Variants in MYLK4 observed in about 807,000 individuals in gnomAD.
The protein encoded by MYLK4 is myosin light chain kinase family member 4, also known as caMLCK like.
A neutral mutation model predicts 48.1 loss-of-function variants in MYLK4; 46 were observed. The ratio of observed to expected loss-of-function variants is 0.96; its 90% CI spans 0.75 to 1.22. The LOEUF is 1.22. Among genes scored for constraint, MYLK4 ranks in the 50% most tolerant of loss-of-function variants. MYLK4 has a pLI of 0.00. For missense variants in MYLK4, 451 were observed against 486.1 expected (o/e 0.93, Z 0.68); for synonymous variants, 170 against 180.8 (o/e 0.94, Z 0.48).
intron 2 of MYLK4, among the ~76,000 whole-genome samples, chr6:2,748,494 A>C (rs962571819): frequency 6.6e-6 from 1 of 152,240 alleles, no homozygotes; most frequent in East Asian, 1.9e-4. Context: ...AACACATATT[A>C]AATGCTGACT....
At chr6:2,752,886 C>T (rs1293877969), upstream of MYLK4, among the ~76,000 whole-genome samples, 1 of 152,192 alleles carries the variant, frequency 6.6e-6, no homozygotes, top group African/African-American at 2.4e-5. Context: ...TCACACTGTT[C>T]CCAGCTTCCG....
At chr6:2,744,330 G>T (rs894371495) in intron 2 of MYLK4, among the ~76,000 whole-genome samples, 5 of 152,246 alleles carry the variant, frequency 3.3e-5, no homozygotes, top group African/African-American at 1.2e-4. Flanking sequence ...ATGCGTATTT[G>T]TTCCCAGTTC....
At chr6:2,699,239 T>C (rs1485046914) in intron 2 of MYLK4, among the ~76,000 whole-genome samples, 2 of 151,200 alleles carry the variant, frequency 1.3e-5, no homozygotes, top group Non-Finnish European at 2.9e-5. Flanking sequence ...ATAATATACA[T>C]TGAGCTGTAT....
chr6:2,697,176 A>G (rs771653326), intron 2 of MYLK4, among the ~76,000 whole-genome samples: 1 of 152,236 alleles, frequency 6.6e-6, no homozygotes, highest in South Asian at 2.1e-4. Flanking sequence ...TGGCAGCACA[A>G]AATCAAAATA....
the MYLK4 span, among the ~76,000 whole-genome samples, chr6:2,759,156 C>G: frequency 1.3e-5 from 2 of 152,230 alleles, no homozygotes; most frequent in African/African-American, 4.8e-5. Flanking sequence ...TACTCTGTCA[C>G]CCAGGCTGGA....
chr6:2,761,802 G>GCA, the MYLK4 span, among the ~76,000 whole-genome samples: 10 of 151,770 alleles, frequency 6.6e-5, no homozygotes, highest in South Asian at 2.1e-4. Context: ...TGGGAGACAT[G>GCA]CACACACACA....
intron 4 of MYLK4, among the ~76,000 whole-genome samples, chr6:2,686,990 G>C (rs920182217): frequency 6.6e-6 from 1 of 152,116 alleles, no homozygotes. Context: ...GATTTATTGT[G>C]CAAGGGCCCT....
chr6:2,736,727 C>A (rs1244326451), intron 2 of MYLK4, among the ~76,000 whole-genome samples: 1 of 152,172 alleles, frequency 6.6e-6, no homozygotes, highest in African/African-American at 2.4e-5. Context: ...GGGAAAAGGA[C>A]AGAAACTGGA....
At chr6:2,733,531 G>A (rs1464087157) in intron 2 of MYLK4, among the ~76,000 whole-genome samples, 1 of 152,218 alleles carries the variant, frequency 6.6e-6, no homozygotes, top group East Asian at 1.9e-4. Flanking sequence ...CTCACTCACA[G>A]AGAAGGAAGC....
At chr6:2,697,001 G>C (rs1489917883) in intron 2 of MYLK4, among the ~76,000 whole-genome samples, 1 of 152,222 alleles carries the variant, frequency 6.6e-6, no homozygotes, top group African/African-American at 2.4e-5. Flanking sequence ...GGAGGTTGCC[G>C]TGAGTCAAGA....
At chr6:2,674,594 C>G (rs963123430) in intron 11 of MYLK4, among the ~76,000 whole-genome samples, 1 of 152,166 alleles carries the variant, frequency 6.6e-6, no homozygotes, top group Admixed American at 6.5e-5. Context: ...CATTTTAAGG[C>G]CGGGTGCAGT....
At chr6:2,704,458 T>G (rs1345626131) in intron 2 of MYLK4, among the ~76,000 whole-genome samples, 4 of 152,250 alleles carry the variant, frequency 2.6e-5, no homozygotes, top group Admixed American at 2.0e-4. Context: ...GTATGGTTTT[T>G]GAAGTAATTT....
At chr6:2,759,682 T>G in the MYLK4 span, among the ~76,000 whole-genome samples, 2 of 152,210 alleles carry the variant, frequency 1.3e-5, no homozygotes, top group Admixed American at 1.3e-4. Context: ...CCTTTTACGG[T>G]TAGTGCATTA....
chr6:2,702,708 T>C (rs538159117), intron 2 of MYLK4, among the ~76,000 whole-genome samples: 2 of 152,186 alleles, frequency 1.3e-5, no homozygotes, highest in Non-Finnish European at 2.9e-5. Flanking sequence ...ATTAGCTTGA[T>C]TGACCCTTTC....
intron 2 of MYLK4, among the ~76,000 whole-genome samples, chr6:2,699,962 A>G (rs1762227189): frequency 1.3e-5 from 2 of 152,176 alleles, no homozygotes; most frequent in Non-Finnish European, 1.5e-5. Flanking sequence ...AAAAACAACC[A>G]CTTAAAATGA....
At chr6:2,717,839 A>G (rs1363461705) in intron 2 of MYLK4, among the ~76,000 whole-genome samples, 3 of 152,216 alleles carry the variant, frequency 2.0e-5, no homozygotes, top group African/African-American at 7.2e-5. Flanking sequence ...TAAACTCAGC[A>G]TTCCAGGATG....
intron 10 of MYLK4, among the ~76,000 whole-genome samples, chr6:2,677,082 G>A (rs576473919): frequency 2.0e-5 from 3 of 152,040 alleles, no homozygotes; most frequent in Non-Finnish European, 2.9e-5. Flanking sequence ...CCCTCCTGTC[G>A]GACTGATACC....
intron 2 of MYLK4, among the ~76,000 whole-genome samples, chr6:2,699,287 C>CTTTTTTTTTCTTTTT (rs1762188728): frequency 1.3e-5 from 1 of 77,894 alleles, no homozygotes; most frequent in Non-Finnish European, 2.2e-5. Flanking sequence ...CTTTTCTTTT[C>CTTTTTTTTTCTTTTT]TTTTTTTTTT....
At chr6:2,716,445 G>C (rs1425794312) in intron 2 of MYLK4, among the ~76,000 whole-genome samples, 1 of 152,194 alleles carries the variant, frequency 6.6e-6, no homozygotes, top group African/African-American at 2.4e-5. Flanking sequence ...ATCACAAGAA[G>C]CTATTGACTG....
Sources: gnomAD v4.1 joint callset for allele counts (sites outside exome capture counted in the v4.1 genomes callset) on GRCh38, gnomAD v4.1.1 for gene constraint, MANE v1.5 for transcripts, NCBI Gene and HGNC (gene_info 2026-07-23, HGNC 2026-07-21) for gene names.